Variants in KIAA1671 observed in about 807,000 individuals in gnomAD.
The protein encoded by KIAA1671 is KIAA1671, also known as uncharacterized protein KIAA1671.
KIAA1671 carries 52 observed loss-of-function variants against 131.2 expected under a neutral mutation model. That is an observed-to-expected ratio of 0.40 (90% CI 0.32 to 0.50). The LOEUF (loss-of-function observed/expected upper bound fraction) is 0.50, where lower values mean the gene tolerates loss of function less well. KIAA1671 is among the 20% of genes least tolerant of loss of function. KIAA1671 has a pLI of 0.73. For synonymous variants in KIAA1671, 1,003 were observed against 961.6 expected (o/e 1.04, Z -0.80); for missense variants, 2,360 against 2,364.2 (o/e 1.00, Z 0.04).
intron 6 of KIAA1671, among the ~76,000 whole-genome samples, chr22:25,129,165 C>T (rs368749322): frequency 2.3e-4 from 32 of 141,194 alleles, no homozygotes; most frequent in African/African-American, 7.1e-4. Context: ...GCATGGTGGG[C>T]GGGGCGGTGG....
chr22:25,189,531 G>A (rs1290580640), intron 11 of KIAA1671, among the ~76,000 whole-genome samples: 1 of 152,042 alleles, frequency 6.6e-6, no homozygotes, highest in East Asian at 1.9e-4. Flanking sequence ...TTTATATCAC[G>A]GAGGGTAGTC....
chr22:24,965,615 C>G (rs112826227), intron 1 of KIAA1671, among the ~76,000 whole-genome samples: 4,321 of 150,034 alleles, frequency 0.029, 192 homozygotes, highest in African/African-American at 0.098. Context: ...GTGGCGACAC[C>G]TGTAATCCCA....
chr22:25,181,809 C>A lies in KIAA1671; in HGVS notation c.5185C>A (p.Pro1729Thr), dbSNP rs1444695330. ...QRMPAFPGMDPAVLKAQLHKR... is the reference protein window; with the variant it reads ...QRMPAFPGMDTAVLKAQLHKR... ...GATGCCTGCGTTTCCAGGCATGGATCCGGCAGTGCTAAAGGTACCAGACCT... is the reference window on the plus strand; with the variant it reads ...GATGCCTGCGTTTCCAGGCATGGATACGGCAGTGCTAAAGGTACCAGACCT... Residue 1729 changes from proline (P) to threonine (T), a missense_variant, in exon 10 of 13, where the codon CCG (proline) becomes ACG (threonine). Pro to Thr is a conservative substitution (Grantham distance 38). Transcript: ENST00000358431. 2 of 1,551,418 alleles carry A rather than the reference C, an allele frequency of 1.3e-6. No homozygotes were observed. Among genetic ancestry groups the A allele is most frequent in the African/African-American group, 1.4e-5 (1 of 72,996 alleles).
chr22:25,146,750 T>A (rs1330686805), intron 6 of KIAA1671, among the ~76,000 whole-genome samples: 2 of 152,168 alleles, frequency 1.3e-5, no homozygotes, highest in Admixed American at 1.3e-4. Context: ...CATTTGGAGA[T>A]CATATTTATT....
intron 1 of KIAA1671, among the ~76,000 whole-genome samples, chr22:24,997,771 A>G (rs1162624116): frequency 1.3e-5 from 2 of 152,212 alleles, no homozygotes; most frequent in African/African-American, 2.4e-5. Context: ...GGTGTCAACT[A>G]GACACACGTT....
intron 6 of KIAA1671, among the ~76,000 whole-genome samples, chr22:25,116,523 G>A (rs1212368153): frequency 6.6e-6 from 1 of 152,078 alleles, no homozygotes; most frequent in African/African-American, 2.4e-5. Flanking sequence ...CTGGGTTCAA[G>A]CAATTCTCCT....
At chr22:25,076,518 A>G (rs1197446200) in intron 6 of KIAA1671, among the ~76,000 whole-genome samples, 1 of 152,154 alleles carries the variant, frequency 6.6e-6, no homozygotes, top group Admixed American at 6.6e-5. Context: ...CACTATCACC[A>G]TCAAGCTTGG....
chr22:25,096,866 G>T (rs556997510), intron 6 of KIAA1671, among the ~76,000 whole-genome samples: 3 of 152,162 alleles, frequency 2.0e-5, no homozygotes, highest in East Asian at 1.9e-4. Context: ...GAACGGAGCC[G>T]TGCACTCTGC....
chr22:25,151,499 A>C (rs1049142840), intron 6 of KIAA1671, among the ~76,000 whole-genome samples: 1 of 146,424 alleles, frequency 6.8e-6, no homozygotes, highest in Non-Finnish European at 1.5e-5. Flanking sequence ...CAGTGGTGCA[A>C]TCTAAGGTCA....
At chr22:25,073,886 G>A (rs903286416) in intron 6 of KIAA1671, among the ~76,000 whole-genome samples, 5 of 152,130 alleles carry the variant, frequency 3.3e-5, no homozygotes, top group Non-Finnish European at 7.4e-5. Context: ...TAGGGACGGG[G>A]TTTCACCATA....
intron 6 of KIAA1671, among the ~76,000 whole-genome samples, chr22:25,073,107 C>T (rs369603025): frequency 6.6e-6 from 1 of 152,186 alleles, no homozygotes; most frequent in African/African-American, 2.4e-5. Flanking sequence ...CTCACTCTGT[C>T]ACCCAGGCTG....
intron 1 of KIAA1671, among the ~76,000 whole-genome samples, chr22:24,989,707 C>T (rs145914345): frequency 6.6e-6 from 1 of 152,186 alleles, no homozygotes. Flanking sequence ...GATGAGTTCC[C>T]AAAGCTTAGC....
chr22:25,088,297 A>G lies in KIAA1671; in HGVS notation c.4530+38933A>G, dbSNP rs181275955. On this transcript the variant is annotated intron_variant, in intron 6 of 12. Transcript: ENST00000358431. Reference sequence around the variant, plus strand: ...TAATTTTTGTATTCTTAGTAGAGACAGGTTTCACCATGTTGGCCAGGCTGG... The same window carrying G: ...TAATTTTTGTATTCTTAGTAGAGACGGGTTTCACCATGTTGGCCAGGCTGG... Among the ~76,000 whole-genome samples the G allele has an allele frequency of 4.6e-5, 7 of 152,208 alleles. No individual in the cohort carries two copies. In the South Asian group the frequency reaches 1.2e-3, roughly 27 times the overall value.
rs139748004 is a variant in KIAA1671, at chr22:25,163,505, G to A, written c.4531-7315G>A. On this transcript the variant is annotated intron_variant, in intron 6 of 12. Coordinates refer to ENST00000358431, the MANE Select transcript of KIAA1671 (RefSeq NM_001145206.2). ...CACCCAGGCTGGAGTGCAGTGGTGC[G>A]ATCTCTGCTCATTGCAACCTCCGCT... 7.3e-3 allele frequency among the ~76,000 whole-genome samples: 995 copies of A among 135,564 alleles called. 24 individuals are homozygous for A. Among genetic ancestry groups the A allele is most frequent in the East Asian group, 0.05 (233 of 4,626 alleles). The allele number at this position is 135,564 out of a possible 152,430, so 88.9% of individuals were successfully genotyped here.
At chr22:25,010,752 C>G (rs556612201) in intron 1 of KIAA1671, 1 of 152,262 alleles carries the variant, frequency 6.6e-6, no homozygotes, top group African/African-American at 2.4e-5. Flanking sequence ...AATAGAAACC[C>G]AAACCAACAA....
intron 4 of KIAA1671, among the ~76,000 whole-genome samples, chr22:25,033,275 A>G (rs1926389993): frequency 1.3e-5 from 2 of 152,072 alleles, no homozygotes; most frequent in Non-Finnish European, 2.9e-5. Context: ...GCATGCCTAT[A>G]GTTCTAGTTA....
rs920275870 is a variant in KIAA1671, at chr22:25,019,326, A to G, written c.-207-6307A>G. The stretch of plus-strand genomic sequence containing the variant: ...ATAGGACCTGCCTCTTTGGGATGGT[A>G]AAGGGATGAAATGAAATAATCCTTG... On this transcript the variant is annotated intron_variant, in intron 1 of 12. Transcript: ENST00000358431. Among the ~76,000 whole-genome samples, 512 of 152,274 alleles carry G rather than the reference A, an allele frequency of 3.4e-3. 2 individuals carry two copies. The highest frequency in any genetic ancestry group is 0.011 in the African/African-American group (461 of 41,536).
chr22:24,961,091 C>T (rs538489168), intron 1 of KIAA1671, among the ~76,000 whole-genome samples: 1 of 152,298 alleles, frequency 6.6e-6, no homozygotes, highest in South Asian at 2.1e-4. Flanking sequence ...TCACTGCAGT[C>T]TCAACCTCCT....
intron 1 of KIAA1671, among the ~76,000 whole-genome samples, chr22:25,007,270 G>A (rs1176863701): frequency 2.0e-5 from 3 of 151,878 alleles, no homozygotes; most frequent in Non-Finnish European, 4.4e-5. Context: ...GGCGGATCAC[G>A]AGGTCAAGAG....
Sources: gnomAD v4.1 joint callset for allele counts (sites outside exome capture counted in the v4.1 genomes callset) on GRCh38, gnomAD v4.1.1 for gene constraint, MANE v1.5 for transcripts, NCBI Gene and HGNC (gene_info 2026-07-23, HGNC 2026-07-21) for gene names.